Variants in DPP6 observed in about 807,000 individuals in gnomAD.
DPP6 encodes the protein A-type potassium channel modulatory protein DPP6.
A neutral mutation model predicts 122.6 loss-of-function variants in DPP6; 69 were observed. That is an observed-to-expected ratio of 0.56 (90% CI 0.46 to 0.69). The LOEUF is 0.69. Ranked by LOEUF, DPP6 falls within the 30% of genes least tolerant of loss-of-function variation. The pLI is 0.00. For synonymous variants in DPP6, 418 were observed against 433.1 expected, an observed-to-expected ratio of 0.97 and a Z score of 0.43; for missense variants, 928 against 1,116.9, an observed-to-expected ratio of 0.83 and a Z score of 2.41.
the DPP6 span, among the ~76,000 whole-genome samples, chr7:153,765,561 A>AAC: frequency 1.3e-5 from 2 of 151,344 alleles, no homozygotes; most frequent in African/African-American, 4.9e-5. Context: ...AAAAAAAAAA[A>AAC]CAGAAAAAAA....
chr7:153,964,975 TTTC>T (rs1795604312), intron 1 of DPP6, among the ~76,000 whole-genome samples: 1 of 122,322 alleles, frequency 8.2e-6, no homozygotes, highest in African/African-American at 4.3e-5. Flanking sequence ...TTTCATTTCT[TTTC>T]CCTTCCTTCC....
the DPP6 span, among the ~76,000 whole-genome samples, chr7:153,814,395 GAC>G: frequency 1.4e-5 from 1 of 69,332 alleles, no homozygotes; most frequent in Non-Finnish European, 2.6e-5. Flanking sequence ...ACCCTCCCAA[GAC>G]TCTAAACCAG....
intron 21 of DPP6, among the ~76,000 whole-genome samples, chr7:154,882,157 T>C (rs776837464): frequency 1.3e-5 from 2 of 152,140 alleles, no homozygotes; most frequent in African/African-American, 2.4e-5. Context: ...ATAGTTCACT[T>C]CTGGACACAG....
chr7:153,888,867 G>A (rs1799065829), intron 1 of DPP6, among the ~76,000 whole-genome samples: 1 of 152,160 alleles, frequency 6.6e-6, no homozygotes, highest in African/African-American at 2.4e-5. Context: ...ACAGAAGTGG[G>A]TTGGGTCCAA....
intron 5 of DPP6, among the ~76,000 whole-genome samples, chr7:154,579,256 G>A (rs1237453361): frequency 6.6e-6 from 1 of 152,182 alleles, no homozygotes; most frequent in Non-Finnish European, 1.5e-5. Context: ...GACCGAGACA[G>A]GAGAATCGCT....
intron 8 of DPP6, among the ~76,000 whole-genome samples, chr7:154,750,364 G>C (rs1472921833): frequency 1.3e-5 from 2 of 152,248 alleles, no homozygotes; most frequent in Non-Finnish European, 2.9e-5. Context: ...TGCACCGTGA[G>C]GGCCGCCTGT....
rs571847076 is a variant in DPP6, at chr7:154,671,016, C to T, written c.762+1575C>T. ...GAGGCAGCTGAGAGCTGACCTTGAC[C>T]GAGGAACACCAATCCATCAGTTCAG... is the stretch of plus-strand genomic sequence containing the variant. On this transcript the variant is annotated intron_variant, in intron 7 of 25. Transcript: ENST00000377770. Among the ~76,000 whole-genome samples the T allele has an allele frequency of 1.8e-4, 28 of 152,244 alleles. No homozygotes were observed. The South Asian group carries it at 4.8e-3, about 26-fold the overall frequency.
At chr7:154,099,165 A>G (rs1041586377) in intron 1 of DPP6, among the ~76,000 whole-genome samples, 5 of 152,224 alleles carry the variant, frequency 3.3e-5, no homozygotes, top group African/African-American at 1.2e-4. Flanking sequence ...AAAATAGAGG[A>G]TAATCGACTC....
chr7:154,789,374 A>C lies in DPP6; in HGVS notation c.1137-4705A>C, dbSNP rs369274091. Reference sequence around the variant, plus strand: ...AATCTGTGGCTGGTGTGAGCCCAGCATTTCTGAGGGAAGAATAGTACAGTG... The same window carrying C: ...AATCTGTGGCTGGTGTGAGCCCAGCCTTTCTGAGGGAAGAATAGTACAGTG... On this transcript the variant is annotated intron_variant, in intron 10 of 25. Coordinates refer to ENST00000377770, the MANE Select transcript of DPP6 (RefSeq NM_130797.4). Among the ~76,000 whole-genome samples the C allele has an allele frequency of 6.6e-5, 10 of 152,230 alleles. No individual in the cohort carries two copies. In the East Asian group the frequency reaches 1.5e-3, roughly 23 times the overall value.
At chr7:154,238,008 C>T (rs1801331577) in intron 1 of DPP6, among the ~76,000 whole-genome samples, 1 of 152,180 alleles carries the variant, frequency 6.6e-6, no homozygotes, top group Non-Finnish European at 1.5e-5. Context: ...CGTGCTGGTA[C>T]TGAGTTTCCC....
At chr7:154,775,140 A>G (rs951548460) in intron 10 of DPP6, among the ~76,000 whole-genome samples, 4 of 152,122 alleles carry the variant, frequency 2.6e-5, no homozygotes, top group African/African-American at 7.2e-5. Flanking sequence ...ATTGAGGACT[A>G]CTGGTTTCAA....
At position 154,134,977 on chromosome 7, in the gene DPP6, CCTTCCTGTGAGCTTACA is replaced by C. The variant is rs1191860479; in HGVS notation, c.243+81926_243+81942del. 6.5e-3 allele frequency among the ~76,000 whole-genome samples: 943 copies of C among 145,178 alleles called. 8 individuals carry two copies. Among genetic ancestry groups the C allele is most frequent in the African/African-American group, 0.023 (893 of 39,146 alleles). ...GAGTGTACACTTCCTGTGAGCACAC[CCTTCCTGTGAGCTTACA>C]CTTCCTGTGAGTGAACACTTCCTGT... On this transcript the variant is annotated intron_variant, in intron 1 of 25. Coordinates refer to ENST00000377770, the MANE Select transcript of DPP6 (RefSeq NM_130797.4).
chr7:154,795,162 T>C (rs1047073821), intron 11 of DPP6, among the ~76,000 whole-genome samples: 2 of 152,260 alleles, frequency 1.3e-5, no homozygotes, highest in South Asian at 2.1e-4. Flanking sequence ...AACTTCTCCA[T>C]GCCCCTGAGC....
At chr7:154,309,138 C>G (rs188909372) in intron 1 of DPP6, among the ~76,000 whole-genome samples, 41 of 152,316 alleles carry the variant, frequency 2.7e-4, no homozygotes, top group African/African-American at 9.9e-4. Context: ...CCAGAAAAAC[C>G]TCCTTTCACA....
chr7:154,092,508 A>G (rs942891480), intron 1 of DPP6: 12 of 148,498 alleles, frequency 8.1e-5, no homozygotes, highest in African/African-American at 3.0e-4. Flanking sequence ...CATTTTTCAG[A>G]ACAGAACAGG....
intron 1 of DPP6, among the ~76,000 whole-genome samples, chr7:153,901,548 A>G (rs1799639029): frequency 6.6e-6 from 1 of 152,242 alleles, no homozygotes; most frequent in South Asian, 2.1e-4. Flanking sequence ...GTGGTATTAG[A>G]TTGATAGGTC....
intron 8 of DPP6, among the ~76,000 whole-genome samples, chr7:154,764,081 G>A (rs1351111264): frequency 1.3e-5 from 2 of 152,146 alleles, no homozygotes; most frequent in Non-Finnish European, 2.9e-5. Context: ...GGCCTTGGAT[G>A]TCATTTGGAA....
chr7:154,386,601 A>G (rs957299188), intron 1 of DPP6, among the ~76,000 whole-genome samples: 1 of 152,170 alleles, frequency 6.6e-6, no homozygotes, highest in Non-Finnish European at 1.5e-5. Flanking sequence ...TATCATGAAG[A>G]CCAGTCCACC....
intron 1 of DPP6, among the ~76,000 whole-genome samples, chr7:154,087,693 GC>G (rs1804525031): frequency 6.6e-6 from 1 of 152,178 alleles, no homozygotes; most frequent in Admixed American, 6.5e-5. Flanking sequence ...CCCCGTTCTT[GC>G]TTTTCTAGCC....
Sources: allele counts gnomAD v4.1 joint callset (sites outside exome capture counted in the v4.1 genomes callset), GRCh38; gene constraint gnomAD v4.1.1; transcripts MANE v1.5; gene names NCBI Gene and HGNC (gene_info 2026-07-23, HGNC 2026-07-21).